The following KCTD1 variants were observed in gnomAD, a reference collection of about 807,000 sequenced individuals.
KCTD1 encodes BTB/POZ domain-containing protein KCTD1.
A neutral mutation model predicts 66.0 loss-of-function variants in KCTD1; 24 were observed. The ratio of observed to expected loss-of-function variants is 0.36; its 90% CI spans 0.26 to 0.51. KCTD1 has a LOEUF of 0.51. Ranked by LOEUF, KCTD1 falls within the 20% of genes least tolerant of loss-of-function variation. The pLI, the probability that KCTD1 is intolerant of heterozygous loss-of-function variation, is 0.95. For missense variants in KCTD1, 943 were observed against 1,205.2 expected (o/e 0.78, Z 3.22); for synonymous variants, 511 against 517.2 (o/e 0.99, Z 0.16).
At chr18:26,532,024 A>G (rs895528115) in intron 1 of KCTD1, among the ~76,000 whole-genome samples, 75 of 152,162 alleles carry the variant, frequency 4.9e-4, no homozygotes, top group African/African-American at 1.8e-3. Context: ...TGGTAGTTGG[A>G]AGGAAAGTGT....
chr18:26,514,658 C>T (rs914867995), intron 1 of KCTD1, among the ~76,000 whole-genome samples: 1 of 152,154 alleles, frequency 6.6e-6, no homozygotes. Context: ...AGGCATGCTC[C>T]AGGCCTAGCA....
chr18:26,591,941 A>C (rs1598956280), intron 1 of KCTD1, among the ~76,000 whole-genome samples: 1 of 152,350 alleles, frequency 6.6e-6, no homozygotes, highest in South Asian at 2.1e-4. Context: ...TGTGGGACCT[A>C]GCCAGAATCT....
intron 1 of KCTD1, among the ~76,000 whole-genome samples, chr18:26,621,259 T>C (rs2145017003): frequency 6.6e-6 from 1 of 152,274 alleles, no homozygotes; most frequent in South Asian, 2.1e-4. Flanking sequence ...ATGAATGTGG[T>C]CGGGTCCTCT....
chr18:26,532,431 A>G (rs563965498), intron 1 of KCTD1, among the ~76,000 whole-genome samples: 2 of 151,654 alleles, frequency 1.3e-5, no homozygotes, highest in Admixed American at 6.6e-5. Flanking sequence ...ACCCAGCTAC[A>G]TTTTTAAATT....
intron 2 of KCTD1, among the ~76,000 whole-genome samples, chr18:26,484,300 A>C (rs1417654776): frequency 6.6e-6 from 1 of 152,246 alleles, no homozygotes; most frequent in Non-Finnish European, 1.5e-5. Context: ...CAAACAAAAC[A>C]AATTATATCT....
At chr18:26,642,621 A>T (rs1256244592), upstream of KCTD1, among the ~76,000 whole-genome samples, 1 of 152,210 alleles carries the variant, frequency 6.6e-6, no homozygotes, top group Non-Finnish European at 1.5e-5. Context: ...ACTGTTAAGG[A>T]AGTAAAAAAG....
At chr18:26,637,263 C>T (rs1987743709) in intron 1 of KCTD1, among the ~76,000 whole-genome samples, 1 of 152,210 alleles carries the variant, frequency 6.6e-6, no homozygotes, top group African/African-American at 2.4e-5. Flanking sequence ...GATTAGGTGC[C>T]TCCCATGCTC....
At chr18:26,597,664 T>G (rs1042486954) in intron 1 of KCTD1, among the ~76,000 whole-genome samples, 12 of 150,548 alleles carry the variant, frequency 8.0e-5, no homozygotes, top group African/African-American at 2.7e-4. Flanking sequence ...TGGTGTTTTT[T>G]TTTTTTTTTT....
chr18:26,517,178 A>T (rs1016224371), intron 1 of KCTD1, among the ~76,000 whole-genome samples: 9 of 152,156 alleles, frequency 5.9e-5, no homozygotes, highest in Non-Finnish European at 1.3e-4. Context: ...TTAAAAAATG[A>T]CAAGAAGGCA....
At chr18:26,607,573 G>A (rs1286862671) in intron 1 of KCTD1, among the ~76,000 whole-genome samples, 1 of 151,976 alleles carries the variant, frequency 6.6e-6, no homozygotes, top group Non-Finnish European at 1.5e-5. Flanking sequence ...TAATGCCTAG[G>A]TCTTTCCTTC....
rs1175443900 is a variant in KCTD1, at chr18:26,547,259, G to C, written c.1278C>G (p.Ile426Met). 1 of 1,551,556 alleles carries C rather than the reference G, an allele frequency of 6.4e-7. No individual in the cohort carries two copies. Among genetic ancestry groups the C allele is most frequent in the Non-Finnish European group, 8.7e-7 (1 of 1,146,994 alleles). ...TCCGAGTGCCTAGCAAGTTCTTGCC[G>C]ATGGCTTTGTTCTCGTACCAGGTCA... Reference protein sequence around the residue: ...GDVTWYENKAIGKNLLGTRMQ... With the variant: ...GDVTWYENKAMGKNLLGTRMQ... Residue 426 changes from isoleucine to methionine, a missense_variant, in exon 1 of 5, where the codon ATC becomes ATG. Ile to Met is a conservative substitution (Grantham distance 10). Transcript: ENST00000580059.
intron 3 of KCTD1, among the ~76,000 whole-genome samples, chr18:26,467,545 A>G (rs1043808121): frequency 6.7e-6 from 1 of 150,160 alleles, no homozygotes; most frequent in African/African-American, 2.5e-5. Context: ...GCCGGGCACA[A>G]TGGCTCATGC....
intron 1 of KCTD1, among the ~76,000 whole-genome samples, chr18:26,616,746 G>A (rs1349257286): frequency 2.0e-5 from 3 of 151,406 alleles, no homozygotes; most frequent in Non-Finnish European, 2.9e-5. Context: ...CTCAAATTCC[G>A]GGGCTCAAGT....
At chr18:26,592,910 T>C (rs1986641565) in intron 1 of KCTD1, among the ~76,000 whole-genome samples, 1 of 152,192 alleles carries the variant, frequency 6.6e-6, no homozygotes, top group African/African-American at 2.4e-5. Context: ...TCTTTGTCTG[T>C]GACATAGTAT....
intron 1 of KCTD1, among the ~76,000 whole-genome samples, chr18:26,502,430 C>T (rs566876712): frequency 8.5e-5 from 13 of 152,224 alleles, no homozygotes; most frequent in African/African-American, 2.9e-4. Context: ...TGGGCTCAGG[C>T]GATCTGCTCA....
At chr18:26,544,417 T>C (rs1034633212) in intron 1 of KCTD1, 1 of 152,184 alleles carries the variant, frequency 6.6e-6, no homozygotes, top group African/African-American at 2.4e-5. Context: ...GCAACATTAG[T>C]AGAAAATCAA....
chr18:26,471,812 A>T (rs1227759611), intron 3 of KCTD1, among the ~76,000 whole-genome samples: 1 of 152,220 alleles, frequency 6.6e-6, no homozygotes, highest in African/African-American at 2.4e-5. Context: ...AGTGTCTCAT[A>T]GTTTCAATGC....
At chr18:26,532,261 C>CTTTTTTTTTTTTTTTTTT (rs533359603) in intron 1 of KCTD1, among the ~76,000 whole-genome samples, 13 of 29,554 alleles carry the variant, frequency 4.4e-4, no homozygotes, top group African/African-American at 8.5e-4. Context: ...TTCTTTCCTT[C>CTTTTTTTTTTTTTTTTTT]TTTTTTTTTT....
chr18:26,656,171 T>C (rs9947186), intron 1 of KCTD1, among the ~76,000 whole-genome samples: 9,671 of 152,124 alleles, frequency 0.064, 520 homozygotes, highest in African/African-American at 0.14. Context: ...CGGGAAACTG[T>C]CCCTTTAAGG....
Sources: allele counts gnomAD v4.1 joint callset (sites outside exome capture counted in the v4.1 genomes callset), GRCh38; gene constraint gnomAD v4.1.1; transcripts MANE v1.5; gene names NCBI Gene and HGNC (gene_info 2026-07-23, HGNC 2026-07-21).